ZNF804A: variants seen among roughly 807,000 people sequenced by gnomAD.
The protein encoded by ZNF804A is zinc finger protein 804A.
ZNF804A carries 2 observed loss-of-function variants against 16.5 expected under a neutral mutation model. The ratio of observed to expected loss-of-function variants is 0.12; its 90% CI spans 0.05 to 0.38. ZNF804A has a LOEUF of 0.38. Among genes scored for constraint, ZNF804A ranks in the 10% least tolerant of loss-of-function variants. The pLI, the probability that ZNF804A is intolerant of heterozygous loss-of-function variation, is 0.99. For missense variants in ZNF804A, 1,473 were observed against 1,390.7 expected (o/e 1.06, Z -0.94); for synonymous variants, 534 against 489.6 (o/e 1.09, Z -1.20).
In ZNF804A at chr2:184,938,765, A is replaced by G. The variant is rs1685843768; in HGVS notation, c.3369A>G (p.Lys1123=). Reference sequence around the variant, plus strand: ...CAGCCGCAGCTGCAGGAACCTTTAAAGTGCTTCAGCCACACCAACAGTTTC... The same window carrying G: ...CAGCCGCAGCTGCAGGAACCTTTAAGGTGCTTCAGCCACACCAACAGTTTC... ...AAAAAAAGTF[K]VLQPHQQFLS... The change falls in exon 4 of 4, where the codon AAA becomes AAG. Residue 1123 remains lysine, a synonymous_variant. Coordinates refer to ENST00000302277, the MANE Select transcript of ZNF804A (RefSeq NM_194250.2). The G allele has an allele frequency of 6.2e-7, 1 of 1,613,490 alleles. No homozygotes were observed. The highest frequency in any genetic ancestry group is 2.2e-5 in the East Asian group (1 of 44,800).
intron 1 of ZNF804A, among the ~76,000 whole-genome samples, chr2:184,801,435 A>G (rs879451989): frequency 6.6e-6 from 1 of 152,138 alleles, no homozygotes; most frequent in Admixed American, 6.5e-5. Flanking sequence ...ACATAAGTTA[A>G]CACCATTTAA....
At chr2:184,711,724 A>G (rs976412630) in intron 1 of ZNF804A, among the ~76,000 whole-genome samples, 7 of 151,676 alleles carry the variant, frequency 4.6e-5, no homozygotes, top group African/African-American at 1.5e-4. Context: ...AACACCATTT[A>G]TTGAAGAGAC....
intron 2 of ZNF804A, among the ~76,000 whole-genome samples, chr2:184,925,510 T>C (rs1024844627): frequency 5.9e-5 from 9 of 151,914 alleles, no homozygotes; most frequent in Non-Finnish European, 1.0e-4. Flanking sequence ...TTCTGTCTTT[T>C]GATTGGAGAG....
chr2:184,704,511 G>T (rs1432634228), intron 1 of ZNF804A, among the ~76,000 whole-genome samples: 1 of 152,162 alleles, frequency 6.6e-6, no homozygotes, highest in Non-Finnish European at 1.5e-5. Context: ...TCCATATGGA[G>T]TGTGTTGAAA....
At chr2:184,635,815 A>T (rs1032537232) in intron 1 of ZNF804A, among the ~76,000 whole-genome samples, 1 of 152,178 alleles carries the variant, frequency 6.6e-6, no homozygotes, top group African/African-American at 2.4e-5. Context: ...GTTATTTAAG[A>T]TCATAGACTT....
intron 1 of ZNF804A, among the ~76,000 whole-genome samples, chr2:184,647,772 TGA>T (rs1019530003): frequency 6.6e-6 from 1 of 152,152 alleles, no homozygotes; most frequent in African/African-American, 2.4e-5. Flanking sequence ...CTGGTATTCC[TGA>T]GAGAGAAAGA....
At chr2:184,890,447 T>C (rs572143628) in intron 2 of ZNF804A, among the ~76,000 whole-genome samples, 1 of 152,112 alleles carries the variant, frequency 6.6e-6, no homozygotes, top group Admixed American at 6.6e-5. Context: ...GTGAAGTGAG[T>C]TCAGTTTCTG....
rs1685817985 is a variant in ZNF804A, at chr2:184,937,799, T to G, written c.2403T>G (p.Thr801=). The G allele has an allele frequency of 6.2e-7, 1 of 1,614,076 alleles. No homozygotes were observed. The highest frequency in any genetic ancestry group is 8.5e-7 in the Non-Finnish European group (1 of 1,179,994). ...LPEEFLRPPS[T]SVAPCKPKKK... ...AAGAATTTTTGAGGCCACCAAGTAC[T>G]TCAGTTGCTCCCTGCAAGCCTAAAA... The change falls in exon 4 of 4, where the codon ACT becomes ACG. Residue 801 remains threonine (T), a synonymous_variant. Transcript: ENST00000302277.
rs554034154 is a variant in ZNF804A, at chr2:184,628,014, T to C, written c.111+28944T>C. On this transcript the variant is annotated intron_variant, in intron 1 of 3. Coordinates refer to ENST00000302277, the MANE Select transcript of ZNF804A (RefSeq NM_194250.2). The stretch of plus-strand genomic sequence containing the variant: ...AAAAGAACAAAATTTAGTAAGTTTA[T>C]AAAAGATGTAAAGAATATGGCCGGG... Among the ~76,000 whole-genome samples, 9 of 152,250 alleles carry C rather than the reference T, an allele frequency of 5.9e-5. No homozygotes were observed. In the East Asian group the frequency reaches 1.4e-3, roughly 23 times the overall value.
intron 1 of ZNF804A, among the ~76,000 whole-genome samples, chr2:184,709,106 G>T (rs1016655533): frequency 1.3e-5 from 2 of 152,082 alleles, no homozygotes; most frequent in Non-Finnish European, 2.9e-5. Flanking sequence ...ACATCACCAT[G>T]TGAAATGACC....
intron 1 of ZNF804A, among the ~76,000 whole-genome samples, chr2:184,788,948 T>G (rs898444716): frequency 6.6e-6 from 1 of 152,064 alleles, no homozygotes; most frequent in African/African-American, 2.4e-5. Context: ...TTTTCCTCAT[T>G]CAGCATGATA....
At chr2:184,709,791 T>C (rs1433156526) in intron 1 of ZNF804A, among the ~76,000 whole-genome samples, 2 of 149,570 alleles carry the variant, frequency 1.3e-5, no homozygotes, top group Non-Finnish European at 3.0e-5. Flanking sequence ...TTTAGACTTT[T>C]CATATATATA....
In ZNF804A at chr2:184,813,993, CTTTTTTTTTTT is replaced by C. The variant is rs1163432699; in HGVS notation, c.112-52358_112-52348del. On this transcript the variant is annotated intron_variant, in intron 1 of 3. Transcript: ENST00000302277. ...TTTAGGGCATGTTTGAGAAAGGCAG[CTTTTTTTTTTT>C]TTTTTTTTTTTTTTTTTGGCTTGTC... is the stretch of plus-strand genomic sequence containing the variant. Among the ~76,000 whole-genome samples, 45 of 49,194 alleles carry C rather than the reference CTTTTTTTTTTT, an allele frequency of 9.1e-4. 1 individual carries two copies. The highest frequency in any genetic ancestry group is 0.022 in the Middle Eastern group (1 of 46). 32.3% of individuals were successfully genotyped at this position (49,194 alleles called of 152,430 possible).
intron 1 of ZNF804A, among the ~76,000 whole-genome samples, chr2:184,848,215 G>C (rs2105802905): frequency 6.6e-6 from 1 of 152,082 alleles, no homozygotes; most frequent in Admixed American, 6.6e-5. Flanking sequence ...CATCTCATTA[G>C]CATAAAAAAG....
chr2:184,792,920 C>T (rs529815128), intron 1 of ZNF804A, among the ~76,000 whole-genome samples: 12 of 152,010 alleles, frequency 7.9e-5, no homozygotes, highest in Admixed American at 1.3e-4. Context: ...ACCCAGCCCT[C>T]CCTCCTTCCC....
chr2:184,705,603 G>A (rs1293276470), intron 1 of ZNF804A, among the ~76,000 whole-genome samples: 1 of 151,996 alleles, frequency 6.6e-6, no homozygotes, highest in East Asian at 1.9e-4. Flanking sequence ...TGAAGGCATG[G>A]TACCTATTTT....
intron 1 of ZNF804A, among the ~76,000 whole-genome samples, chr2:184,775,719 T>C (rs1694275726): frequency 6.6e-6 from 1 of 151,654 alleles, no homozygotes; most frequent in Non-Finnish European, 1.5e-5. Flanking sequence ...ACTTAGTATC[T>C]GTAATGCCAT....
chr2:184,663,698 G>A (rs1028900997), intron 1 of ZNF804A, among the ~76,000 whole-genome samples: 1 of 152,106 alleles, frequency 6.6e-6, no homozygotes, highest in African/African-American at 2.4e-5. Flanking sequence ...CCCACCGATG[G>A]CAACCCATGG....
intron 1 of ZNF804A, among the ~76,000 whole-genome samples, chr2:184,811,507 A>G (rs954108664): frequency 6.6e-6 from 1 of 152,168 alleles, no homozygotes; most frequent in African/African-American, 2.4e-5. Context: ...ATTAAAATAT[A>G]TAGAGCATAA....
Sources: gnomAD v4.1 joint callset for allele counts (sites outside exome capture counted in the v4.1 genomes callset) on GRCh38, gnomAD v4.1.1 for gene constraint, MANE v1.5 for transcripts, NCBI Gene and HGNC (gene_info 2026-07-23, HGNC 2026-07-21) for gene names.